The following CLSTN2 variants were observed in gnomAD, a reference collection of about 807,000 sequenced individuals.
CLSTN2 encodes calsyntenin 2, also known as calsyntenin-2.
A neutral mutation model predicts 101.2 loss-of-function variants in CLSTN2; 48 were observed. That is an observed-to-expected ratio of 0.47 (90% CI 0.38 to 0.60). The LOEUF (loss-of-function observed/expected upper bound fraction) is 0.60. CLSTN2 is among the 20% of genes least tolerant of loss of function. The probability of loss-of-function intolerance (pLI) is 0.00; values close to 1 mark genes in which losing one functional copy is unlikely to be tolerated. For synonymous variants in CLSTN2, 481 were observed against 463.6 expected (o/e 1.04, Z -0.48); for missense variants, 1,160 against 1,238.2 (o/e 0.94, Z 0.95).
intron 1 of CLSTN2, among the ~76,000 whole-genome samples, chr3:140,065,197 T>G (rs1040711080): frequency 6.6e-6 from 1 of 152,246 alleles, no homozygotes; most frequent in Non-Finnish European, 1.5e-5. Flanking sequence ...GGTCTTCACC[T>G]GACTTCACCT....
chr3:140,034,292 G>A (rs538189124), intron 1 of CLSTN2, among the ~76,000 whole-genome samples: 1 of 152,318 alleles, frequency 6.6e-6, no homozygotes, highest in South Asian at 2.1e-4. Context: ...GGAGTCTATG[G>A]TAGTGGAGGA....
At chr3:140,315,880 A>C (rs971900621) in intron 2 of CLSTN2, among the ~76,000 whole-genome samples, 1 of 152,156 alleles carries the variant, frequency 6.6e-6, no homozygotes, top group African/African-American at 2.4e-5. Context: ...AGGTAGGATA[A>C]AAGGTGGAGC....
chr3:140,067,080 C>T (rs1225355414), intron 1 of CLSTN2, among the ~76,000 whole-genome samples: 1 of 152,114 alleles, frequency 6.6e-6, no homozygotes, highest in African/African-American at 2.4e-5. Context: ...CATGGGGTAA[C>T]AAGGAAGAAG....
At chr3:140,503,977 A>G (rs960499783) in intron 8 of CLSTN2, among the ~76,000 whole-genome samples, 2 of 152,094 alleles carry the variant, frequency 1.3e-5, no homozygotes, top group Admixed American at 1.3e-4. Flanking sequence ...TTCTCTTCTC[A>G]AAACTGCCCT....
At chr3:140,233,442 C>A (rs902078887) in intron 2 of CLSTN2, among the ~76,000 whole-genome samples, 1 of 152,180 alleles carries the variant, frequency 6.6e-6, no homozygotes, top group Non-Finnish European at 1.5e-5. Flanking sequence ...TTGGTTGTAT[C>A]TTCCTTCCTC....
intron 1 of CLSTN2, among the ~76,000 whole-genome samples, chr3:140,051,519 G>A (rs1406207760): frequency 2.0e-5 from 3 of 152,152 alleles, no homozygotes; most frequent in African/African-American, 4.8e-5. Flanking sequence ...AAAAGGATAG[G>A]GAGGAGCAAT....
chr3:139,967,671 T>C (rs1021989682), intron 1 of CLSTN2, among the ~76,000 whole-genome samples: 1 of 152,246 alleles, frequency 6.6e-6, no homozygotes, highest in African/African-American at 2.4e-5. Context: ...AAAGGCTGTA[T>C]TGTTATTAAA....
chr3:140,402,002 T>C (rs2088247728), intron 2 of CLSTN2, among the ~76,000 whole-genome samples: 2 of 151,918 alleles, frequency 1.3e-5, no homozygotes. Flanking sequence ...ACAAGTACAT[T>C]GAGAAATGGC....
At chr3:140,091,608 T>G (rs1305991322) in intron 1 of CLSTN2, among the ~76,000 whole-genome samples, 1 of 152,228 alleles carries the variant, frequency 6.6e-6, no homozygotes, top group African/African-American at 2.4e-5. Flanking sequence ...TTGAAATTAC[T>G]CAGGAAATGA....
intron 1 of CLSTN2, among the ~76,000 whole-genome samples, chr3:140,058,920 C>A (rs530203580): frequency 2.0e-5 from 3 of 152,114 alleles, no homozygotes; most frequent in Non-Finnish European, 2.9e-5. Flanking sequence ...AGGGCCCTGA[C>A]CAGCAGGGAG....
chr3:140,116,006 G>A (rs1050285571), intron 1 of CLSTN2, among the ~76,000 whole-genome samples: 1 of 152,128 alleles, frequency 6.6e-6, no homozygotes, highest in African/African-American at 2.4e-5. Flanking sequence ...GTGGCTTCTG[G>A]GTTCAGTGGA....
chr3:140,301,681 T>C (rs2087060539), intron 2 of CLSTN2, among the ~76,000 whole-genome samples: 1 of 152,228 alleles, frequency 6.6e-6, no homozygotes, highest in South Asian at 2.1e-4. Flanking sequence ...GAATTTCTAT[T>C]TTAGAGAAAA....
At chr3:139,993,979 G>A (rs184166265) in intron 1 of CLSTN2, among the ~76,000 whole-genome samples, 71 of 152,272 alleles carry the variant, frequency 4.7e-4, no homozygotes, top group African/African-American at 1.6e-3. Flanking sequence ...GGGTGGTTCC[G>A]TGGCTTGCTG....
chr3:140,053,514 C>T (rs1044962625), intron 1 of CLSTN2, among the ~76,000 whole-genome samples: 11 of 152,124 alleles, frequency 7.2e-5, no homozygotes, highest in Admixed American at 1.3e-4. Context: ...CCAGATGCAG[C>T]GTGGTGGTGA....
Position 140,570,992 on chromosome 3 carries a change from A to AAAAC in CLSTN2, c.*4741_*4744dup, listed in dbSNP as rs1985523062. On this transcript the variant is annotated 3_prime_UTR_variant, in exon 17 of 17. Coordinates refer to ENST00000458420, the MANE Select transcript of CLSTN2 (RefSeq NM_022131.3). Reference sequence around the variant, plus strand: ...GGGGGAAAACAAAAAAGAAACAAACAAAACACTTGTTATTTGCTGAACTGA... The same window carrying AAAAC: ...GGGGGAAAACAAAAAAGAAACAAACAAAACAAACACTTGTTATTTGCTGAACTGA... 1 of 152,260 alleles carries AAAAC rather than the reference A, an allele frequency of 6.6e-6. No individual in the cohort carries two copies. The highest frequency in any genetic ancestry group is 1.5e-5 in the Non-Finnish European group (1 of 68,044). The allele number at this position is 152,260 out of a possible 1,614,324, so 9.4% of individuals were successfully genotyped here.
intron 8 of CLSTN2, among the ~76,000 whole-genome samples, chr3:140,529,296 G>GC (rs1935207369): frequency 6.6e-6 from 1 of 152,198 alleles, no homozygotes; most frequent in African/African-American, 2.4e-5. Flanking sequence ...CCTGCCGTGG[G>GC]AGTACATCTG....
At chr3:140,540,323 C>T (rs1935448230) in intron 9 of CLSTN2, among the ~76,000 whole-genome samples, 1 of 152,116 alleles carries the variant, frequency 6.6e-6, no homozygotes. Flanking sequence ...TGGGAGTGTG[C>T]CATGGCCAGC....
intron 1 of CLSTN2, among the ~76,000 whole-genome samples, chr3:140,150,473 A>G (rs1456328656): frequency 6.6e-6 from 1 of 152,198 alleles, no homozygotes; most frequent in African/African-American, 2.4e-5. Context: ...TGTCCCAGAT[A>G]CTGGGAGAAC....
intron 9 of CLSTN2, among the ~76,000 whole-genome samples, chr3:140,540,335 G>A (rs563270173): frequency 7.9e-5 from 12 of 152,292 alleles, no homozygotes; most frequent in South Asian, 2.1e-4. Context: ...ATGGCCAGCC[G>A]TGATGACAGG....
Sources: gnomAD v4.1 joint callset for allele counts (sites outside exome capture counted in the v4.1 genomes callset) on GRCh38, gnomAD v4.1.1 for gene constraint, MANE v1.5 for transcripts, NCBI Gene and HGNC (gene_info 2026-07-23, HGNC 2026-07-21) for gene names.